RDX: variants seen among roughly 807,000 people sequenced by gnomAD.
RDX encodes the protein radixin, also known as deafness, autosomal recessive 24.
In RDX, 32 loss-of-function variants were observed where a neutral mutation model predicts 83.7. The observed-to-expected ratio is 0.38, with a 90% CI of 0.29 to 0.51. The LOEUF (loss-of-function observed/expected upper bound fraction) is 0.51, where lower values mean the gene tolerates loss of function less well. RDX is among the 20% of genes least tolerant of loss of function. The pLI, the probability that RDX is intolerant of heterozygous loss-of-function variation, is 0.87. For missense variants in RDX, 600 were observed against 689.9 expected, an observed-to-expected ratio of 0.87 and a Z score of 1.46; for synonymous variants, 229 against 222.7, an observed-to-expected ratio of 1.03 and a Z score of -0.25.
chr11:110,235,889 C>A (rs1864826809), intron 12 of RDX, among the ~76,000 whole-genome samples: 2 of 152,216 alleles, frequency 1.3e-5, no homozygotes, highest in Admixed American at 1.3e-4. Flanking sequence ...GGTCTCCCGA[C>A]AACTCTCTGG....
intron 2 of RDX, among the ~76,000 whole-genome samples, chr11:110,279,031 CTTGCA>C (rs1472306831): frequency 1.8e-4 from 27 of 152,250 alleles, no homozygotes; most frequent in African/African-American, 6.5e-4. Context: ...ATGGGTAACA[CTTGCA>C]TCTAAACTAC....
At position 110,296,572 on chromosome 11, in the gene RDX, G is replaced by C. The variant is rs1247612884; in HGVS notation, c.-170C>G. ...CGGTGGTGCGAGCGCTGGCCCGCGG[G>C]AGACGAGAGGCGCCGCCGCCACCGC... On this transcript the variant is annotated 5_prime_UTR_variant, in exon 1 of 14. Transcript: ENST00000645495. 1.3e-5 allele frequency: 2 copies of C among 151,214 alleles called. No individual in the cohort carries two copies. The highest frequency in any genetic ancestry group is 1.9e-4 in the East Asian group (1 of 5,142). 9.4% of individuals were successfully genotyped at this position (151,214 alleles called of 1,614,324 possible).
intron 14 of RDX, among the ~76,000 whole-genome samples, chr11:110,217,724 C>T (rs1213417659): frequency 2.0e-5 from 3 of 152,176 alleles, no homozygotes; most frequent in African/African-American, 7.2e-5. Context: ...CACTGAGATA[C>T]GCCCTCGGCC....
intron 1 of RDX, among the ~76,000 whole-genome samples, chr11:110,292,931 T>C (rs1276231748): frequency 2.0e-5 from 3 of 152,218 alleles, no homozygotes; most frequent in Non-Finnish European, 4.4e-5. Context: ...TTTCTCATTG[T>C]CAACTATATG....
In RDX at chr11:110,205,949, T is replaced by A. The variant is rs114690418; in HGVS notation, c.1749-6271A>T. ...CTGTGGCTATATTGTTTAAAGATTTTAAAAAATACTCGTAACAATCCTATA... is the reference window on the plus strand; with the variant it reads ...CTGTGGCTATATTGTTTAAAGATTTAAAAAAATACTCGTAACAATCCTATA... On this transcript the variant is annotated intron_variant, in intron 14 of 15. Coordinates refer to the RDX transcript ENST00000528498. Among the ~76,000 whole-genome samples the A allele has an allele frequency of 1.7e-3, 266 of 152,176 alleles. 2 individuals carry two copies. The highest frequency in any genetic ancestry group is 6.1e-3 in the African/African-American group (252 of 41,524).
chr11:110,280,652 T>C (rs1242056544), intron 1 of RDX, among the ~76,000 whole-genome samples: 1 of 152,238 alleles, frequency 6.6e-6, no homozygotes, highest in Non-Finnish European at 1.5e-5. Context: ...ACTAACAACC[T>C]GCATTCAGCT....
At chr11:110,191,424 C>T (rs1863101363) in intron 15 of RDX, among the ~76,000 whole-genome samples, 1 of 152,326 alleles carries the variant, frequency 6.6e-6, no homozygotes, top group Non-Finnish European at 1.5e-5. Context: ...AGGAACATAT[C>T]TCAAAATAAG....
chr11:110,291,604 G>C (rs935530084), intron 1 of RDX, among the ~76,000 whole-genome samples: 2 of 152,020 alleles, frequency 1.3e-5, no homozygotes, highest in Non-Finnish European at 2.9e-5. Flanking sequence ...CTAACTGCAG[G>C]CTTGACCTCC....
Position 110,177,718 on chromosome 11 carries a change from A to G in RDX, c.*32-2484T>C, listed in dbSNP as rs183139407. On this transcript the variant is annotated intron_variant, in intron 15 of 15. Transcript: ENST00000528498. ...AGGCTGGTCTCGAACTCCTGACCTCAGGTGGTCCGCCTGCCTCGGCGTCCC... is the reference window on the plus strand; with the variant it reads ...AGGCTGGTCTCGAACTCCTGACCTCGGGTGGTCCGCCTGCCTCGGCGTCCC... 6.1e-3 allele frequency among the ~76,000 whole-genome samples: 926 copies of G among 152,064 alleles called. 2 individuals are homozygous for G. Among genetic ancestry groups the G allele is most frequent in the Non-Finnish European group, 0.01 (692 of 67,976 alleles).
At chr11:110,176,504 A>T (rs1862776763) in intron 15 of RDX, among the ~76,000 whole-genome samples, 1 of 152,062 alleles carries the variant, frequency 6.6e-6, no homozygotes, top group African/African-American at 2.4e-5. Flanking sequence ...CCCCCCAGCC[A>T]CGGGGTGCCT....
chr11:110,202,085 T>C (rs377209554), intron 14 of RDX, among the ~76,000 whole-genome samples: 80 of 152,098 alleles, frequency 5.3e-4, no homozygotes, highest in African/African-American at 1.9e-3. Context: ...CGGCCTAGTT[T>C]AACACTTTAA....
chr11:110,286,891 T>C (rs1374367546), intron 1 of RDX: 1 of 152,154 alleles, frequency 6.6e-6, no homozygotes, highest in East Asian at 1.9e-4. Context: ...ATGAACTCTT[T>C]CTAAGAAAAG....
chr11:110,250,456 A>G (rs1859284271), intron 9 of RDX, among the ~76,000 whole-genome samples: 1 of 152,124 alleles, frequency 6.6e-6, no homozygotes, highest in Admixed American at 6.5e-5. Context: ...TCCCAAGACA[A>G]TTCTCGAGGA....
chr11:110,187,735 T>C (rs1287860835), intron 15 of RDX, among the ~76,000 whole-genome samples: 1 of 152,212 alleles, frequency 6.6e-6, no homozygotes, highest in Non-Finnish European at 1.5e-5. Flanking sequence ...CCCACTTATC[T>C]TGGTCCTGTC....
In RDX at chr11:110,237,268, C is replaced by T. The variant is rs564832569; in HGVS notation, c.1251+224G>A. ...TTTTGCTGACAGTAGACTCCATTTACAAATAATCTATAGAAAAATGCCTTA... is the reference window on the plus strand; with the variant it reads ...TTTTGCTGACAGTAGACTCCATTTATAAATAATCTATAGAAAAATGCCTTA... On this transcript the variant is annotated intron_variant, in intron 11 of 13. Coordinates refer to ENST00000645495, the MANE Select transcript of RDX (RefSeq NM_002906.4). 5.9e-5 allele frequency among the ~76,000 whole-genome samples: 9 copies of T among 152,038 alleles called. No homozygotes were observed. In the East Asian group the frequency reaches 1.5e-3, roughly 26 times the overall value.
chr11:110,268,631 A>C (rs1239813696), intron 3 of RDX, among the ~76,000 whole-genome samples: 1 of 152,222 alleles, frequency 6.6e-6, no homozygotes, highest in African/African-American at 2.4e-5. Context: ...GATGCCCCAC[A>C]GTGGGCACAG....
chr11:110,202,595 CTT>C (rs58793509), intron 14 of RDX, among the ~76,000 whole-genome samples: 43 of 121,230 alleles, frequency 3.5e-4, no homozygotes, highest in Non-Finnish European at 3.4e-4. Flanking sequence ...ATTTTTCTTT[CTT>C]TTTTTTTTTT....
At chr11:110,253,772 T>C (rs772023767) in intron 9 of RDX, 174 bp downstream of exon 9, 21 of 635,678 alleles carry the variant, frequency 3.3e-5, no homozygotes, top group Non-Finnish European at 5.6e-5. Flanking sequence ...ATTTCTAACT[T>C]GAAAATTATA....
intron 15 of RDX, among the ~76,000 whole-genome samples, chr11:110,182,783 G>A (rs1423132841): frequency 4.6e-5 from 7 of 152,180 alleles, no homozygotes; most frequent in African/African-American, 1.4e-4. Context: ...GCTGTCCGGG[G>A]TAACAGGACA....
Sources: allele counts gnomAD v4.1 joint callset (sites outside exome capture counted in the v4.1 genomes callset), GRCh38; gene constraint gnomAD v4.1.1; transcripts MANE v1.5; gene names NCBI Gene and HGNC (gene_info 2026-07-23, HGNC 2026-07-21).